Variants in RAD1 observed in about 807,000 individuals in gnomAD.
RAD1 encodes RAD1 checkpoint DNA exonuclease, also known as cell cycle checkpoint protein RAD1.
In RAD1, 21 loss-of-function variants were observed where a neutral mutation model predicts 30.0. The observed-to-expected ratio is 0.70, with a 90% CI of 0.50 to 1.01. RAD1 has a LOEUF of 1.01. RAD1 is among the 50% of genes least tolerant of loss of function. The pLI, the probability that RAD1 is intolerant of heterozygous loss-of-function variation, is 0.00. For synonymous variants in RAD1, 109 were observed against 113.6 expected, an observed-to-expected ratio of 0.96 and a Z score of 0.26; for missense variants, 329 against 329.0, an observed-to-expected ratio of 1.00 and a Z score of 0.00.
intron 2 of RAD1, chr5:34,913,848 G>A (rs1351606426): frequency 1.2e-5 from 6 of 490,134 alleles, no homozygotes; most frequent in Non-Finnish European, 2.0e-5. Context: ...ATAGACGAAT[G>A]ACTTGATAAT....
intron 3 of RAD1, among the ~76,000 whole-genome samples, chr5:34,912,603 A>G (rs1763880239): frequency 1.3e-5 from 2 of 152,306 alleles, no homozygotes; most frequent in South Asian, 4.1e-4. Flanking sequence ...CCTATGAAAT[A>G]AAATCATTCT....
At chr5:34,911,434 G>T in intron 4 of RAD1, 120 bp downstream of exon 4, 1 of 1,228,866 alleles carries the variant, frequency 8.1e-7, no homozygotes, top group Non-Finnish European at 1.1e-6. Flanking sequence ...AGTACAAGCT[G>T]TCTAAAGTTG....
At position 34,914,915 on chromosome 5, in the gene RAD1, G is replaced by T. The variant is rs377068053; in HGVS notation, c.-23C>A. 11 of 1,613,022 alleles carry T rather than the reference G, an allele frequency of 6.8e-6. No homozygotes were observed. The African/African-American group carries it at 1.5e-4, about 22-fold the overall frequency. Reference sequence around the variant, plus strand: ...CATCGTCCACTGCGCATTCGGCCCCGAGGGATGCTCCTGGGGCCAACAACT... The same window carrying T: ...CATCGTCCACTGCGCATTCGGCCCCTAGGGATGCTCCTGGGGCCAACAACT... On this transcript the variant is annotated 5_prime_UTR_variant, in exon 2 of 6. Transcript: ENST00000382038.
intron 4 of RAD1, among the ~76,000 whole-genome samples, chr5:34,910,771 C>T (rs982404399): frequency 1.1e-4 from 17 of 152,256 alleles, no homozygotes; most frequent in African/African-American, 4.1e-4. Flanking sequence ...AAAAGAATAC[C>T]TTATTCCTTT....
intron 2 of RAD1, chr5:34,914,155 G>A: frequency 1.6e-5 from 5 of 303,204 alleles, no homozygotes; most frequent in East Asian, 1.7e-4. Context: ...TACTTTGGAA[G>A]AACAAAAATT....
At chr5:34,909,136 TATTC>T in intron 5 of RAD1, 118 bp downstream of exon 5, 1 of 913,248 alleles carries the variant, frequency 1.1e-6, no homozygotes, top group Non-Finnish European at 1.7e-6. Context: ...AGCACTCTAC[TATTC>T]ATTTTTATAA....
In RAD1 at chr5:34,906,552, T is replaced by A. The variant is rs1054551792; in HGVS notation, c.*2213A>T. ...TATTTGGGAAGCTGAGATGGGAGGA[T>A]TGCTTGAGCCTAGGAGATTGAGGCT... On this transcript the variant is annotated 3_prime_UTR_variant, in exon 6 of 6. Transcript: ENST00000382038. 1 of 152,082 alleles carries A rather than the reference T, an allele frequency of 6.6e-6. No homozygotes were observed. The highest frequency in any genetic ancestry group is 1.5e-5 in the Non-Finnish European group (1 of 68,044). 9.4% of individuals were successfully genotyped at this position (152,082 alleles called of 1,614,324 possible). A position where few individuals can be genotyped will look rare whatever the true frequency, so the allele number is the denominator to read the frequency against.
intron 4 of RAD1, among the ~76,000 whole-genome samples, chr5:34,911,024 T>C (rs1411694306): frequency 6.6e-6 from 1 of 152,216 alleles, no homozygotes; most frequent in African/African-American, 2.4e-5. Context: ...GTGTGTGCTA[T>C]CTTGGTACTT....
chr5:34,913,532 AAAG>A lies in RAD1; in HGVS notation c.242_244del (p.Thr81_Phe82delinsIle). 6.2e-7 allele frequency: 1 copy of A among 1,605,470 alleles called. No individual in the cohort carries two copies. Reference sequence around the variant, plus strand: ...TAAAAGGACAGTTAAATTAATTCGAAAAGTAACAGACTCTTCCTGAACTTTAAA... The same window carrying A: ...TAAAAGGACAGTTAAATTAATTCGAATAACAGACTCTTCCTGAACTTTAAA... On this transcript the variant is annotated inframe_deletion, in exon 3 of 6. Transcript: ENST00000382038.
chr5:34,906,826 T>TA lies in RAD1; in HGVS notation c.*1938dup, dbSNP rs1320434693. The TA allele has an allele frequency of 1.3e-5, 2 of 152,102 alleles. No individual in the cohort carries two copies. The highest frequency in any genetic ancestry group is 4.8e-5 in the African/African-American group (2 of 41,414). 9.4% of individuals were successfully genotyped at this position (152,102 alleles called of 1,614,324 possible). A position where few individuals can be genotyped will look rare whatever the true frequency, so the allele number is the denominator to read the frequency against. On this transcript the variant is annotated 3_prime_UTR_variant, in exon 6 of 6. Coordinates refer to ENST00000382038, the MANE Select transcript of RAD1 (RefSeq NM_002853.4). ...CACACTAGTAACAAAAGACAAAAAA[T>TA]AACTATGCTATTTCACATTTAACAG... is the stretch of plus-strand genomic sequence containing the variant.
intron 5 of RAD1, 152 bp downstream of exon 5, chr5:34,909,106 C>A: frequency 1.2e-5 from 10 of 850,464 alleles, no homozygotes; most frequent in Non-Finnish European, 1.1e-5. Flanking sequence ...TGTTAGAACC[C>A]TACATCCCCT....
At position 34,909,369 on chromosome 5, in the gene RAD1, A is replaced by T; in HGVS notation, c.567-13T>A. The T allele has an allele frequency of 6.5e-7, 1 of 1,530,364 alleles. No homozygotes were observed. Among genetic ancestry groups the T allele is most frequent in the Non-Finnish European group, 9.0e-7 (1 of 1,106,800 alleles). The allele number at this position is 1,530,364 out of a possible 1,614,324, so 94.8% of individuals were successfully genotyped here. A position where few individuals can be genotyped will look rare whatever the true frequency, so the allele number is the denominator to read the frequency against. ...AAAAGTAGATAACCTATAGAAAATGATTACCTCATTTATTCATTCATCCAA... is the reference window on the plus strand; with the variant it reads ...AAAAGTAGATAACCTATAGAAAATGTTTACCTCATTTATTCATTCATCCAA... On this transcript the variant is annotated splice_polypyrimidine_tract_variant and intron_variant, in intron 4 of 5. Transcript: ENST00000382038.
intron 3 of RAD1, among the ~76,000 whole-genome samples, chr5:34,912,862 G>A (rs1026013617): frequency 6.6e-6 from 1 of 151,996 alleles, no homozygotes; most frequent in African/African-American, 2.4e-5. Context: ...TTAGCCGGGC[G>A]TGGTGGCACG....
chr5:34,906,278 A>G lies in RAD1; in HGVS notation c.*2487T>C, dbSNP rs143962682. ...GGCCTAAAATAATAGTTTTAAATGT[A>G]CAAAAATATCCATCCTTACTGAGCT... On this transcript the variant is annotated 3_prime_UTR_variant, in exon 6 of 6. Coordinates refer to ENST00000382038, the MANE Select transcript of RAD1 (RefSeq NM_002853.4). 179 of 152,248 alleles carry G rather than the reference A, an allele frequency of 1.2e-3. No homozygotes were observed. The highest frequency in any genetic ancestry group is 4.2e-3 in the African/African-American group (173 of 41,546). 9.4% of individuals were successfully genotyped at this position (152,248 alleles called of 1,614,324 possible).
intron 4 of RAD1, 79 bp downstream of exon 4, chr5:34,911,474 AT>A: frequency 1.3e-6 from 2 of 1,506,760 alleles, no homozygotes; most frequent in East Asian, 2.3e-5. Context: ...GATAATAAAA[AT>A]TTTGCATCCT....
chr5:34,909,286 A>G lies in RAD1; in HGVS notation c.637T>C (p.Phe213Leu), dbSNP rs755507373. ...TTGACTTGGGTCTGATTACAATGAA[A>G]TGCTTCCATCAAATCAGAATCTTTG... ...YPKDSDLMEA[F>L]HCNQTQVNRY... Residue 213 changes from phenylalanine to leucine, a missense_variant, in exon 5 of 6, where the codon TTT becomes CTT. Transcript: ENST00000382038. 4 of 1,611,008 alleles carry G rather than the reference A, an allele frequency of 2.5e-6. No homozygotes were observed. Among genetic ancestry groups the G allele is most frequent in the East Asian group, 2.2e-5 (1 of 44,764 alleles).
rs1035044086 is a variant in RAD1 at position 34,907,781 on chromosome 5, A to G, written c.*984T>C. ...GGTCTACTTTAAAAATAAATCACAT[A>G]AAGAATTGTTCAGACTTGTTTGGTG... is the stretch of plus-strand genomic sequence containing the variant. On this transcript the variant is annotated 3_prime_UTR_variant, in exon 6 of 6. Transcript: ENST00000382038. The G allele has an allele frequency of 2.0e-5, 3 of 152,260 alleles. No individual in the cohort carries two copies. Among genetic ancestry groups the G allele is most frequent in the Admixed American group, 6.5e-5 (1 of 15,288 alleles). 9.4% of individuals were successfully genotyped at this position (152,260 alleles called of 1,614,324 possible). A position where few individuals can be genotyped will look rare whatever the true frequency, so the allele number is the denominator to read the frequency against.
rs1763621477 is a variant in RAD1 at position 34,905,557 on chromosome 5, C to T, written c.*3208G>A. ...ATTTCATCAATTCTCGGTGGAAGCA[C>T]TACATCATCGAATGGGAAATCAACA... On this transcript the variant is annotated 3_prime_UTR_variant, in exon 6 of 6. Transcript: ENST00000382038. The T allele has an allele frequency of 7.2e-6, 1 of 138,736 alleles. No individual in the cohort carries two copies. The highest frequency in any genetic ancestry group is 1.6e-5 in the Non-Finnish European group (1 of 63,272). The allele number at this position is 138,736 out of a possible 1,614,324, so 8.6% of individuals were successfully genotyped here.
chr5:34,908,449 A>AC lies in RAD1; in HGVS notation c.*315_*316insG. On this transcript the variant is annotated 3_prime_UTR_variant, in exon 6 of 6. Transcript: ENST00000382038. ...CTCGGCTTCCCAAAGTGCTGGGATT[A>AC]AAGCCACCACACCCGGCCACCTTTA... 5.7e-6 allele frequency: 1 copy of AC among 175,058 alleles called. No homozygotes were observed. Among genetic ancestry groups the AC allele is most frequent in the Non-Finnish European group, 1.2e-5 (1 of 83,202 alleles). 10.8% of individuals were successfully genotyped at this position (175,058 alleles called of 1,614,324 possible).
Sources: gnomAD v4.1 joint callset for allele counts (sites outside exome capture counted in the v4.1 genomes callset) on GRCh38, gnomAD v4.1.1 for gene constraint, MANE v1.5 for transcripts, NCBI Gene and HGNC (gene_info 2026-07-23, HGNC 2026-07-21) for gene names.